GRIN2B: variants seen among roughly 807,000 people sequenced by gnomAD.
GRIN2B encodes glutamate ionotropic receptor NMDA type subunit 2B.
GRIN2B carries 5 observed loss-of-function variants against 114.5 expected under a neutral mutation model. The ratio of observed to expected loss-of-function variants is 0.04; its 90% CI spans 0.02 to 0.09. GRIN2B has a LOEUF of 0.09. GRIN2B is among the 10% of genes least tolerant of loss of function. The probability of loss-of-function intolerance (pLI) is 1.00; values close to 1 mark genes in which losing one functional copy is unlikely to be tolerated. For missense variants in GRIN2B, 1,108 were observed against 1,943.5 expected, an observed-to-expected ratio of 0.57 and a Z score of 8.08; for synonymous variants, 787 against 745.1, an observed-to-expected ratio of 1.06 and a Z score of -0.92.
At chr12:13,628,509 C>T (rs560848364) in intron 5 of GRIN2B, among the ~76,000 whole-genome samples, 11 of 152,310 alleles carry the variant, frequency 7.2e-5, no homozygotes, top group African/African-American at 2.2e-4. Flanking sequence ...CTTAGACATA[C>T]TAAACTAACC....
intron 4 of GRIN2B, among the ~76,000 whole-genome samples, chr12:13,724,981 C>T (rs1023967895): frequency 1.2e-4 from 19 of 152,132 alleles, no homozygotes; most frequent in African/African-American, 4.6e-4. Context: ...TCCTTTTCTT[C>T]CCCCTTCATC....
At chr12:13,965,576 C>CACACAT (rs1867777280) in intron 2 of GRIN2B, among the ~76,000 whole-genome samples, 2 of 151,598 alleles carry the variant, frequency 1.3e-5, no homozygotes, top group African/African-American at 4.8e-5. Flanking sequence ...CACACACACA[C>CACACAT]ACACGTGTGT....
intron 2 of GRIN2B, among the ~76,000 whole-genome samples, chr12:13,916,927 G>A (rs1005920833): frequency 1.3e-5 from 2 of 152,082 alleles, no homozygotes; most frequent in African/African-American, 4.8e-5. Context: ...AAGGCTTTAC[G>A]AAGAGGTAAC....
chr12:13,745,943 A>C (rs1051954816), intron 4 of GRIN2B, among the ~76,000 whole-genome samples: 1 of 151,960 alleles, frequency 6.6e-6, no homozygotes, highest in African/African-American at 2.4e-5. Context: ...TTGCCTACTT[A>C]TCAGGCACTG....
intron 10 of GRIN2B, among the ~76,000 whole-genome samples, chr12:13,584,401 G>A (rs1375329657): frequency 6.6e-6 from 1 of 152,162 alleles, no homozygotes; most frequent in African/African-American, 2.4e-5. Context: ...CCAACACTTA[G>A]TAAGCTCTCA....
At chr12:13,597,764 C>A (rs947598872) in intron 10 of GRIN2B, among the ~76,000 whole-genome samples, 1 of 152,168 alleles carries the variant, frequency 6.6e-6, no homozygotes, top group African/African-American at 2.4e-5. Flanking sequence ...TTGTTCAGTT[C>A]TTTGTTCAAA....
In GRIN2B at chr12:13,573,049, T is replaced by C. The variant is rs552174754; in HGVS notation, c.2011-1085A>G. The stretch of plus-strand genomic sequence containing the variant: ...CTCCGCCACTTACCACTGTGTAACC[T>C]TGGGCAAGTAGCATAAACGCTCTGT... On this transcript the variant is annotated intron_variant, in intron 10 of 13. Transcript: ENST00000609686. Among the ~76,000 whole-genome samples the C allele has an allele frequency of 2.3e-4, 29 of 126,638 alleles. 1 individual carries two copies. Among genetic ancestry groups the C allele is most frequent in the African/African-American group, 9.0e-4 (29 of 32,218 alleles). The allele number at this position is 126,638 out of a possible 152,430, so 83.1% of individuals were successfully genotyped here.
chr12:13,970,166 G>A (rs1281077479), intron 2 of GRIN2B, among the ~76,000 whole-genome samples: 1 of 152,176 alleles, frequency 6.6e-6, no homozygotes, highest in East Asian at 1.9e-4. Context: ...GGTGGAGCCT[G>A]CCTTTGAGAT....
At chr12:13,776,986 C>T (rs74065291) in intron 3 of GRIN2B, among the ~76,000 whole-genome samples, 1,979 of 152,144 alleles carry the variant, frequency 0.013, 46 homozygotes, top group African/African-American at 0.044. Context: ...AATAATACAG[C>T]GGGGCAGAGC....
chr12:13,719,848 T>C (rs1950491358), intron 4 of GRIN2B, among the ~76,000 whole-genome samples: 1 of 152,094 alleles, frequency 6.6e-6, no homozygotes, highest in Non-Finnish European at 1.5e-5. Context: ...CTTGGTGCTT[T>C]TGTCCATTAA....
intron 5 of GRIN2B, among the ~76,000 whole-genome samples, chr12:13,647,581 A>G (rs1949772794): frequency 6.6e-6 from 1 of 151,938 alleles, no homozygotes; most frequent in African/African-American, 2.4e-5. Flanking sequence ...TCCTCTCCCC[A>G]TGCCCTCCTC....
At chr12:13,763,871 C>A (rs1863726787) in intron 3 of GRIN2B, among the ~76,000 whole-genome samples, 1 of 152,316 alleles carries the variant, frequency 6.6e-6, no homozygotes, top group Non-Finnish European at 1.5e-5. Flanking sequence ...TTTCTTTATA[C>A]TGAAAATTGC....
intron 10 of GRIN2B, among the ~76,000 whole-genome samples, chr12:13,579,242 G>C (rs1246312546): frequency 1.3e-5 from 2 of 152,214 alleles, no homozygotes; most frequent in Admixed American, 1.3e-4. Flanking sequence ...GGTTGACACA[G>C]CTGAAGAAGG....
Position 13,564,352 on chromosome 12 carries a change from G to A in GRIN2B, c.2886C>T (p.Tyr962=). The change falls in exon 14 of 14, where the codon TAC becomes TAT. Residue 962 remains tyrosine, a synonymous_variant. Transcript: ENST00000609686. This position sits in a 1 kb window ranked among gnomAD's most constrained non-coding sequence, Gnocchi z 4.8. ...PPCEENLFSD[Y]ISEVERTFGN... is the part of the protein sequence containing the mutation. ...CGAACGTTCTCTCTACCTCACTGAT[G>A]TAGTCACTGAAGAGGTTCTCCTCAC... is the stretch of plus-strand genomic sequence containing the variant. 2.5e-6 allele frequency: 4 copies of A among 1,614,198 alleles called. No individual in the cohort carries two copies. The highest frequency in any genetic ancestry group is 3.4e-6 in the Non-Finnish European group (4 of 1,180,028).
At chr12:13,612,702 T>G (rs966224952) in intron 8 of GRIN2B, among the ~76,000 whole-genome samples, 1 of 152,202 alleles carries the variant, frequency 6.6e-6, no homozygotes, top group Non-Finnish European at 1.5e-5. Context: ...GAGCTAAATA[T>G]CTCTCTGGCT....
intron 3 of GRIN2B, among the ~76,000 whole-genome samples, chr12:13,818,546 A>G (rs1342084714): frequency 2.0e-5 from 3 of 152,246 alleles, no homozygotes; most frequent in Admixed American, 6.5e-5. Context: ...AGAGATTGAG[A>G]AGCCAAAGCT....
intron 5 of GRIN2B, among the ~76,000 whole-genome samples, chr12:13,658,538 C>T (rs1591662478): frequency 7.7e-6 from 1 of 130,450 alleles, no homozygotes; most frequent in Non-Finnish European, 1.7e-5. Context: ...GGATCTTACA[C>T]TTAAGAAGAG....
intron 3 of GRIN2B, among the ~76,000 whole-genome samples, chr12:13,793,349 A>G (rs1404876119): frequency 6.6e-6 from 1 of 151,812 alleles, no homozygotes; most frequent in African/African-American, 2.4e-5. Flanking sequence ...TGAACCTCAG[A>G]GGCGGAGGTT....
intron 2 of GRIN2B, among the ~76,000 whole-genome samples, chr12:13,965,597 G>A (rs1867777982): frequency 6.6e-6 from 1 of 151,834 alleles, no homozygotes; most frequent in South Asian, 2.1e-4. Context: ...GTGATTGTAT[G>A]TTAGTTACCA....
Sources: allele counts gnomAD v4.1 joint callset (sites outside exome capture counted in the v4.1 genomes callset), GRCh38; gene constraint gnomAD v4.1.1; non-coding constraint Gnocchi (gnomAD v3.1); transcripts MANE v1.5; gene names NCBI Gene and HGNC (gene_info 2026-07-23, HGNC 2026-07-21).